The following CCBE1 variants were observed in gnomAD, a reference collection of about 807,000 sequenced individuals.
CCBE1 encodes the protein collagen and calcium binding EGF domains 1.
CCBE1 carries 37 observed loss-of-function variants against 50.0 expected under a neutral mutation model. The observed-to-expected ratio is 0.74, with a 90% CI of 0.57 to 0.97. The LOEUF is 0.97. CCBE1 is among the 50% of genes least tolerant of loss of function. The pLI is 0.00. For missense variants in CCBE1, 538 were observed against 523.8 expected, an observed-to-expected ratio of 1.03 and a Z score of -0.26; for synonymous variants, 234 against 203.7, an observed-to-expected ratio of 1.15 and a Z score of -1.27.
intron 2 of CCBE1, among the ~76,000 whole-genome samples, chr18:59,580,778 G>C (rs1032746392): frequency 2.0e-5 from 3 of 152,088 alleles, no homozygotes; most frequent in Admixed American, 6.5e-5. Context: ...CAAAATAAAA[G>C]GGGAAAAAAA....
intron 2 of CCBE1, among the ~76,000 whole-genome samples, chr18:59,597,351 G>A (rs918058509): frequency 4.6e-5 from 7 of 152,230 alleles, no homozygotes; most frequent in Non-Finnish European, 8.8e-5. Flanking sequence ...GCGGAGTCAG[G>A]AAAGGAACAA....
intron 2 of CCBE1, among the ~76,000 whole-genome samples, chr18:59,671,827 G>GGT (rs2054436613): frequency 6.7e-6 from 1 of 149,812 alleles, no homozygotes; most frequent in Admixed American, 6.6e-5. Flanking sequence ...AAAAAGGGGG[G>GGT]GGGTAGTCAG....
chr18:59,559,206 G>C (rs2052697307), intron 2 of CCBE1, among the ~76,000 whole-genome samples: 1 of 152,220 alleles, frequency 6.6e-6, no homozygotes, highest in African/African-American at 2.4e-5. Context: ...TGAAGCATCT[G>C]GAAGTGCACA....
Position 59,439,842 on chromosome 18 carries a change from C to G in CCBE1, c.776-26G>C. On this transcript the variant is annotated intron_variant, in intron 7 of 10. Coordinates refer to ENST00000439986, the MANE Select transcript of CCBE1 (RefSeq NM_133459.4). ...CTGTAATCAAAGAACACCTCATTAG[C>G]TCACAGCACATGAGAAGGACAAAGG... is the stretch of plus-strand genomic sequence containing the variant. 2.5e-6 allele frequency: 4 copies of G among 1,612,310 alleles called. No homozygotes were observed. The South Asian group carries it at 4.4e-5, about 18-fold the overall frequency.
rs376758112 is a variant in CCBE1 at position 59,482,013 on chromosome 18, C to A, written c.213-1775G>T. Among the ~76,000 whole-genome samples the A allele has an allele frequency of 2.0e-5, 3 of 152,280 alleles. No individual in the cohort carries two copies. The South Asian group carries it at 6.2e-4, about 32-fold the overall frequency. Reference sequence around the variant, plus strand: ...TCGTCCAGGTTTTAAGCCCTGCATGCGTTAGGTATTTGTCCTAATGCTCTC... The same window carrying A: ...TCGTCCAGGTTTTAAGCCCTGCATGAGTTAGGTATTTGTCCTAATGCTCTC... On this transcript the variant is annotated intron_variant, in intron 2 of 10. Coordinates refer to ENST00000439986, the MANE Select transcript of CCBE1 (RefSeq NM_133459.4).
intron 5 of CCBE1, among the ~76,000 whole-genome samples, chr18:59,456,815 G>A (rs1911214957): frequency 6.6e-6 from 1 of 152,178 alleles, no homozygotes; most frequent in African/African-American, 2.4e-5. Context: ...CCCTTTGGGA[G>A]GTGAGCAGGC....
At chr18:59,522,225 G>A (rs1456256000) in intron 2 of CCBE1, among the ~76,000 whole-genome samples, 1 of 150,556 alleles carries the variant, frequency 6.6e-6, no homozygotes, top group Non-Finnish European at 1.5e-5. Flanking sequence ...AATTTCTTTA[G>A]TATATATCGT....
chr18:59,684,742 CAG>C (rs2054635155), intron 2 of CCBE1, among the ~76,000 whole-genome samples: 1 of 152,190 alleles, frequency 6.6e-6, no homozygotes, highest in East Asian at 1.9e-4. Flanking sequence ...GCATTATAGA[CAG>C]ACATATTTGG....
rs368235813 is a variant in CCBE1, at chr18:59,469,494, G to T, written c.379C>A (p.Arg127=). 6.2e-7 allele frequency: 1 copy of T among 1,614,068 alleles called. No homozygotes were observed. The highest frequency in any genetic ancestry group is 8.5e-7 in the Non-Finnish European group (1 of 1,180,026). ...YRYDRERHRK[R]EKPYCLDIDE... is the part of the protein sequence containing the mutation. ...ACACCCAGACAGTATGGCTTCTCCC[G>T]CTTCCGGTGTCTCTCCCGGTCATAT... The change falls in exon 4 of 11, where the codon CGG becomes AGG. Residue 127 remains arginine, a synonymous_variant. Coordinates refer to ENST00000439986, the MANE Select transcript of CCBE1 (RefSeq NM_133459.4).
At chr18:59,557,253 C>T (rs2052668246) in intron 2 of CCBE1, among the ~76,000 whole-genome samples, 1 of 152,162 alleles carries the variant, frequency 6.6e-6, no homozygotes, top group Non-Finnish European at 1.5e-5. Flanking sequence ...GATTTGAGCT[C>T]ATCCTTGATT....
intron 2 of CCBE1, among the ~76,000 whole-genome samples, chr18:59,492,026 TC>T (rs1320806821): frequency 1.3e-5 from 2 of 149,806 alleles, no homozygotes; most frequent in Non-Finnish European, 2.9e-5. Flanking sequence ...GTGCCTATAA[TC>T]CCAGCTACTC....
At chr18:59,662,904 G>A (rs985519499) in intron 2 of CCBE1, among the ~76,000 whole-genome samples, 2 of 151,926 alleles carry the variant, frequency 1.3e-5, no homozygotes, top group African/African-American at 2.4e-5. Flanking sequence ...GCCCGACCTG[G>A]GCAAAACATC....
In CCBE1 at chr18:59,621,090, A is replaced by C. The variant is rs184273024; in HGVS notation, c.212+75539T>G. On this transcript the variant is annotated intron_variant, in intron 2 of 10. Coordinates refer to ENST00000439986, the MANE Select transcript of CCBE1 (RefSeq NM_133459.4). ...TGTCTAGAAGGCTCTGAAAGACCAC[A>C]CCTCTCTTAGAAGGGATTCCCAGGA... Among the ~76,000 whole-genome samples, 4 of 152,092 alleles carry C rather than the reference A, an allele frequency of 2.6e-5. No individual in the cohort carries two copies. The South Asian group carries it at 8.3e-4, about 32-fold the overall frequency.
intron 2 of CCBE1, among the ~76,000 whole-genome samples, chr18:59,523,010 A>AT: frequency 6.6e-6 from 1 of 151,130 alleles, no homozygotes; most frequent in African/African-American, 2.4e-5. Context: ...AAAAAAAAAA[A>AT]AAATTCTCAA....
At chr18:59,551,061 GAAAAAT>G (rs1915912933) in intron 2 of CCBE1, among the ~76,000 whole-genome samples, 6 of 115,030 alleles carry the variant, frequency 5.2e-5, no homozygotes, top group South Asian at 3.0e-4. Flanking sequence ...AAAGAAAAAA[GAAAAAT>G]AAAAATACAG....
chr18:59,489,877 A>C (rs1448528640), intron 2 of CCBE1, among the ~76,000 whole-genome samples: 1 of 152,134 alleles, frequency 6.6e-6, no homozygotes, highest in Non-Finnish European at 1.5e-5. Context: ...GAAGATCATC[A>C]CTAAAACATA....
intron 2 of CCBE1, among the ~76,000 whole-genome samples, chr18:59,502,071 G>T (rs1036963398): frequency 6.6e-6 from 1 of 152,166 alleles, no homozygotes; most frequent in Non-Finnish European, 1.5e-5. Flanking sequence ...CAAGTGCTGG[G>T]ATTACAGGCA....
intron 2 of CCBE1, among the ~76,000 whole-genome samples, chr18:59,583,593 G>A (rs1277784528): frequency 1.3e-5 from 2 of 151,970 alleles, no homozygotes; most frequent in African/African-American, 4.8e-5. Flanking sequence ...TTTATTATGA[G>A]GAGGAAAAAA....
intron 2 of CCBE1, among the ~76,000 whole-genome samples, chr18:59,615,437 T>TC (rs1201232640): frequency 6.6e-6 from 1 of 151,904 alleles, no homozygotes; most frequent in Non-Finnish European, 1.5e-5. Flanking sequence ...CCATTCCCAT[T>TC]CCAGAGTCAT....
Sources: gnomAD v4.1 joint callset for allele counts (sites outside exome capture counted in the v4.1 genomes callset) on GRCh38, gnomAD v4.1.1 for gene constraint, MANE v1.5 for transcripts, NCBI Gene and HGNC (gene_info 2026-07-23, HGNC 2026-07-21) for gene names.